MTMR1: variants seen among roughly 807,000 people sequenced by gnomAD.
MTMR1 encodes the protein myotubularin related protein 1.
In MTMR1, 17 loss-of-function variants were observed where a neutral mutation model predicts 51.6. That is an observed-to-expected ratio of 0.33 (90% CI 0.23 to 0.49). MTMR1 has a LOEUF of 0.49. Ranked by LOEUF, MTMR1 falls within the 20% of genes least tolerant of loss-of-function variation. MTMR1 has a pLI of 0.99. For synonymous variants in MTMR1, 201 were observed against 205.6 expected, an observed-to-expected ratio of 0.98 and a Z score of 0.19; for missense variants, 386 against 526.9, an observed-to-expected ratio of 0.73 and a Z score of 2.62.
intron 6 of MTMR1, among the ~76,000 whole-genome samples, chrX:150,728,170 G>T (rs1293712704): frequency 5.4e-5 from 6 of 112,011 alleles, no homozygotes; most frequent in Non-Finnish European, 1.1e-4. Flanking sequence ...CTAATACAGT[G>T]TAAACACTAT....
chrX:150,729,800 C>T (rs781805122), intron 6 of MTMR1, among the ~76,000 whole-genome samples: 26 of 111,679 alleles, frequency 2.3e-4, no homozygotes, highest in South Asian at 3.7e-4. Context: ...AGTTGGATTA[C>T]GTGAGGTCAG....
intron 15 of MTMR1, among the ~76,000 whole-genome samples, chrX:150,762,095 G>A (rs1269397878): frequency 2.7e-5 from 3 of 112,645 alleles, no homozygotes; most frequent in Non-Finnish European, 5.6e-5. Context: ...TGTAAAAAGT[G>A]CTGATTTAAC....
chrX:150,718,792 C>A, intron 4 of MTMR1, 92 bp downstream of exon 4: 2 of 876,900 alleles, frequency 2.3e-6, no homozygotes, highest in Non-Finnish European at 3.2e-6. Context: ...GCTGGAGATC[C>A]GCCAGACCAA....
chrX:150,759,383 C>G (rs950293931), intron 15 of MTMR1, among the ~76,000 whole-genome samples: 24 of 111,765 alleles, frequency 2.1e-4, no homozygotes, highest in African/African-American at 7.8e-4. Flanking sequence ...AGGTGATATT[C>G]TTGGTGACTC....
At chrX:150,747,268 G>A (rs1264255253) in intron 13 of MTMR1, among the ~76,000 whole-genome samples, 4 of 109,879 alleles carry the variant, frequency 3.6e-5, no homozygotes, top group African/African-American at 1.3e-4. Context: ...GGGCAACATA[G>A]TGAGACACCC....
Position 150,702,372 on chromosome X carries a change from A to T in MTMR1, c.252+3072A>T, listed in dbSNP as rs782028164. On this transcript the variant is annotated intron_variant, in intron 2 of 15. Coordinates refer to ENST00000445323, the MANE Select transcript of MTMR1 (RefSeq NM_001306144.3). ...GAAACAAGTGTCTCATATATTTCTT[A>T]TGCATGATAAAATCTGAAAACCTAG... 5.7e-4 allele frequency among the ~76,000 whole-genome samples: 64 copies of T among 111,621 alleles called. 1 individual carries two copies. Among genetic ancestry groups the T allele is most frequent in the Admixed American group, 1.3e-3 (14 of 10,549 alleles).
chrX:150,750,683 T>G, intron 13 of MTMR1, 47 bp from the exon 14 acceptor site: 1 of 840,820 alleles, frequency 1.2e-6, no homozygotes, highest in South Asian at 2.4e-5. Context: ...ATATTACTTT[T>G]AGAAATTGGA....
chrX:150,761,217 C>A (rs1380459344), intron 15 of MTMR1, among the ~76,000 whole-genome samples: 1 of 111,699 alleles, frequency 9.0e-6, no homozygotes, highest in Non-Finnish European at 1.9e-5. Flanking sequence ...CTGGTGCCAC[C>A]TCCCAGAGGC....
chrX:150,743,471 A>AT (rs1261412581), intron 12 of MTMR1, among the ~76,000 whole-genome samples: 10 of 112,254 alleles, frequency 8.9e-5, no homozygotes, highest in Non-Finnish European at 1.3e-4. Flanking sequence ...CACAATTAAA[A>AT]TTTTTTTTAT....
chrX:150,698,676 GCGCGCACACACACACACACACACACACA>G (rs2040781420), intron 1 of MTMR1, among the ~76,000 whole-genome samples: 2 of 53,079 alleles, frequency 3.8e-5, no homozygotes, highest in Admixed American at 5.1e-4. Context: ...GTCTACACGC[GCGCGCACACACACACACACACACACACA>G]CACACACACA....
Position 150,744,400 on chromosome X carries a change from C to T in MTMR1, c.1513C>T (p.Arg505Ter). The T allele has an allele frequency of 1.7e-6, 2 of 1,211,050 alleles. No homozygotes were observed. The highest frequency in any genetic ancestry group is 2.2e-6 in the Non-Finnish European group (2 of 895,147). The change falls in exon 13 of 16, where the codon CGA (arginine) becomes TGA (stop). Residue 505 changes from arginine to a stop codon, truncating the protein, a stop_gained. Coordinates refer to ENST00000445323, the MANE Select transcript of MTMR1 (RefSeq NM_001306144.3). LOFTEE classifies it high-confidence loss of function. ...TAATGACAACCATGCGGATGCTGAC[C>T]GATCTCCCATATTTCTGCAGTTTGT... ...HGNDNHADADRSPIFLQFVDC... is the reference protein window; with the variant it reads ...HGNDNHADAD
At position 150,735,426 on chromosome X, in the gene MTMR1, A is replaced by C. The variant is rs922909338; in HGVS notation, c.1081-1169A>C. The C allele has an allele frequency of 6.1e-6, 3 of 491,847 alleles. No individual in the cohort carries two copies. In the South Asian group the frequency reaches 8.6e-5, roughly 14 times the overall value. 40.5% of individuals were successfully genotyped at this position (491,847 alleles called of 1,213,427 possible). On this transcript the variant is annotated intron_variant, in intron 10 of 15. Transcript: ENST00000445323. ...TGCATGTATTTTCATAAGGGATGTT[A>C]ATCTGTGGTTTTCTCTTCTTGTGAT... is the stretch of plus-strand genomic sequence containing the variant.
chrX:150,757,972 C>CTGCT (rs1181177920), intron 15 of MTMR1, among the ~76,000 whole-genome samples: 1 of 111,284 alleles, frequency 9.0e-6, no homozygotes, highest in Admixed American at 9.6e-5. Flanking sequence ...GTTTGCCTGC[C>CTGCT]TGCTGCCCCT....
intron 2 of MTMR1, among the ~76,000 whole-genome samples, chrX:150,710,874 G>A (rs1230278166): frequency 2.7e-5 from 3 of 112,032 alleles, no homozygotes; most frequent in Non-Finnish European, 5.6e-5. Flanking sequence ...TTTTAAAATG[G>A]GAGGTTAATA....
At chrX:150,762,034 G>A (rs966428541) in intron 15 of MTMR1, among the ~76,000 whole-genome samples, 3 of 112,696 alleles carry the variant, frequency 2.7e-5, no homozygotes, top group South Asian at 3.6e-4. Context: ...TGCCCGCTCC[G>A]GGGGGCTTCT....
At position 150,747,821 on chromosome X, in the gene MTMR1, T is replaced by A. The variant is rs7063178; in HGVS notation, c.1567-2909T>A. On this transcript the variant is annotated intron_variant, in intron 13 of 15. Coordinates refer to ENST00000445323, the MANE Select transcript of MTMR1 (RefSeq NM_001306144.3). ...TGACCAGAATAAGGCTTGTTGTCAC[T>A]GACTCTAGAACACACCTTTCCAAGC... Among the ~76,000 whole-genome samples the A allele has an allele frequency of 1.2e-3, 129 of 111,807 alleles. 1 individual carries two copies. Among genetic ancestry groups the A allele is most frequent in the African/African-American group, 4.1e-3 (125 of 30,783 alleles).
At chrX:150,703,443 C>T (rs188614073) in intron 2 of MTMR1, among the ~76,000 whole-genome samples, 40 of 112,245 alleles carry the variant, frequency 3.6e-4, no homozygotes, top group African/African-American at 1.3e-3. Flanking sequence ...CTTCCTTCCT[C>T]TTGCTTCATC....
intron 12 of MTMR1, among the ~76,000 whole-genome samples, chrX:150,741,850 T>G (rs1408355132): frequency 8.9e-6 from 1 of 112,534 alleles, no homozygotes; most frequent in Admixed American, 9.4e-5. Context: ...CAAGAGATTT[T>G]ATAGTGGGGC....
chrX:150,743,160 T>C (rs1356114281), intron 12 of MTMR1, among the ~76,000 whole-genome samples: 1 of 111,120 alleles, frequency 9.0e-6, no homozygotes, highest in Non-Finnish European at 1.9e-5. Flanking sequence ...TCCCAGCACT[T>C]TGGGAGGCTG....
Sources: gnomAD v4.1 joint callset for allele counts (sites outside exome capture counted in the v4.1 genomes callset) on GRCh38, gnomAD v4.1.1 for gene constraint, MANE v1.5 for transcripts, NCBI Gene and HGNC (gene_info 2026-07-23, HGNC 2026-07-21) for gene names.